The following ROBO1 variants were observed in gnomAD, a reference collection of about 807,000 sequenced individuals.
The protein encoded by ROBO1 is roundabout guidance receptor 1.
ROBO1 carries 149 observed loss-of-function variants against 195.9 expected under a neutral mutation model. The ratio of observed to expected loss-of-function variants is 0.76; its 90% CI spans 0.67 to 0.87. ROBO1 has a LOEUF of 0.87. ROBO1 is among the 40% of genes least tolerant of loss of function. The pLI is 0.00. For synonymous variants in ROBO1, 816 were observed against 733.2 expected (o/e 1.11, Z -1.82); for missense variants, 1,933 against 2,068.3 (o/e 0.93, Z 1.27).
chr3:79,301,345 A>G (rs944339159), intron 2 of ROBO1, among the ~76,000 whole-genome samples: 2 of 152,220 alleles, frequency 1.3e-5, no homozygotes, highest in Non-Finnish European at 2.9e-5. Context: ...AATTCCGCAC[A>G]CAGTACTGTG....
intron 2 of ROBO1, among the ~76,000 whole-genome samples, chr3:79,491,416 C>T (rs2107450034): frequency 6.6e-6 from 1 of 152,174 alleles, no homozygotes; most frequent in South Asian, 2.1e-4. Context: ...AGGGAGCTTC[C>T]CTACAACTTG....
intron 4 of ROBO1, among the ~76,000 whole-genome samples, chr3:78,867,409 T>C (rs1191106730): frequency 6.6e-6 from 1 of 152,026 alleles, no homozygotes; most frequent in Non-Finnish European, 1.5e-5. Context: ...AAGTGTTTGA[T>C]TTTTTTTCCC....
chr3:79,254,248 G>A (rs926105088), intron 2 of ROBO1, among the ~76,000 whole-genome samples: 7 of 151,930 alleles, frequency 4.6e-5, no homozygotes, highest in African/African-American at 1.7e-4. Flanking sequence ...AATTTTTATC[G>A]ATATATATGC....
At chr3:79,028,166 A>G (rs553212464) in intron 3 of ROBO1, among the ~76,000 whole-genome samples, 86 of 152,180 alleles carry the variant, frequency 5.7e-4, no homozygotes, top group Admixed American at 1.1e-3. Context: ...TAGAAGTAAC[A>G]TATTTCTAGA....
chr3:79,687,595 T>C (rs899143816), intron 1 of ROBO1, among the ~76,000 whole-genome samples: 2 of 152,164 alleles, frequency 1.3e-5, no homozygotes, highest in Non-Finnish European at 2.9e-5. Context: ...AAGACATTTA[T>C]GCATCCAACA....
intron 2 of ROBO1, among the ~76,000 whole-genome samples, chr3:79,234,814 T>C (rs1038673713): frequency 6.6e-6 from 1 of 152,030 alleles, no homozygotes; most frequent in African/African-American, 2.4e-5. Flanking sequence ...ACACTGATGA[T>C]TCCTAGATTG....
chr3:79,548,430 AC>A (rs1286138138), intron 2 of ROBO1, among the ~76,000 whole-genome samples: 3 of 152,192 alleles, frequency 2.0e-5, no homozygotes, highest in African/African-American at 7.2e-5. Flanking sequence ...AAATCTACCA[AC>A]ATGGGTTACA....
At chr3:79,324,236 G>A (rs2034111095) in intron 2 of ROBO1, among the ~76,000 whole-genome samples, 1 of 152,050 alleles carries the variant, frequency 6.6e-6, no homozygotes, top group South Asian at 2.1e-4. Flanking sequence ...TTAATGTGGA[G>A]AGTTTGGTAA....
chr3:79,138,294 T>A (rs2080455834), intron 2 of ROBO1, among the ~76,000 whole-genome samples: 1 of 152,020 alleles, frequency 6.6e-6, no homozygotes, highest in Non-Finnish European at 1.5e-5. Context: ...CAATCAATAC[T>A]TTTTTTGTTG....
chr3:79,410,966 C>T (rs1234575443), intron 2 of ROBO1, among the ~76,000 whole-genome samples: 4 of 152,140 alleles, frequency 2.6e-5, no homozygotes, highest in Admixed American at 6.6e-5. Context: ...TCTTCTTTTA[C>T]TGGAGGAATT....
At position 79,011,066 on chromosome 3, in the gene ROBO1, A is replaced by C. The variant is rs375656192; in HGVS notation, c.173-72139T>G. The stretch of plus-strand genomic sequence containing the variant: ...CTTTACTCAGACAACTTGCTAATGG[A>C]ACGGTCTGGATATACTGAAATTACT... On this transcript the variant is annotated intron_variant, in intron 3 of 30. Transcript: ENST00000464233. Among the ~76,000 whole-genome samples the C allele has an allele frequency of 3.5e-4, 53 of 152,250 alleles. No homozygotes were observed. The East Asian group carries it at 9.5e-3, about 27-fold the overall frequency.
chr3:79,241,643 A>G (rs944475176), intron 2 of ROBO1, among the ~76,000 whole-genome samples: 1 of 151,320 alleles, frequency 6.6e-6, no homozygotes, highest in Admixed American at 6.6e-5. Context: ...TACATAATAG[A>G]TAGTAATAAC....
chr3:79,564,542 A>G (rs1943030212), intron 2 of ROBO1, among the ~76,000 whole-genome samples: 1 of 152,130 alleles, frequency 6.6e-6, no homozygotes, highest in Non-Finnish European at 1.5e-5. Context: ...TTTATCAACA[A>G]GGAGATATTT....
At chr3:78,799,573 C>G (rs1362181830) in intron 4 of ROBO1, among the ~76,000 whole-genome samples, 1 of 151,662 alleles carries the variant, frequency 6.6e-6, no homozygotes, top group African/African-American at 2.4e-5. Context: ...GATCTCCTGA[C>G]CTCGTGATCC....
intron 2 of ROBO1, among the ~76,000 whole-genome samples, chr3:79,358,172 G>C (rs536464081): frequency 3.8e-4 from 58 of 152,168 alleles, no homozygotes; most frequent in African/African-American, 1.4e-3. Flanking sequence ...AAATGAAATT[G>C]TGAAAAAATA....
intron 5 of ROBO1, among the ~76,000 whole-genome samples, chr3:78,718,923 A>G (rs1205953239): frequency 6.8e-6 from 1 of 146,114 alleles, no homozygotes; most frequent in African/African-American, 2.6e-5. Context: ...ATTCTAGCAC[A>G]TTTTTTTCAT....
intron 3 of ROBO1, among the ~76,000 whole-genome samples, chr3:79,061,106 C>T (rs561294064): frequency 6.1e-4 from 93 of 152,142 alleles, no homozygotes; most frequent in African/African-American, 2.0e-3. Context: ...AAAACCCCAT[C>T]GTCTTGGCCC....
intron 1 of ROBO1, among the ~76,000 whole-genome samples, chr3:79,612,275 C>A (rs1467760205): frequency 6.8e-6 from 1 of 148,026 alleles, no homozygotes; most frequent in African/African-American, 2.5e-5. Flanking sequence ...TGAGAATATG[C>A]GGTGTTTGGT....
At chr3:78,941,490 T>C (rs926445085) in intron 3 of ROBO1, among the ~76,000 whole-genome samples, 5 of 152,196 alleles carry the variant, frequency 3.3e-5, no homozygotes, top group African/African-American at 1.2e-4. Flanking sequence ...GAGATATTTA[T>C]TTAATTAAAG....
Sources: allele counts gnomAD v4.1 joint callset (sites outside exome capture counted in the v4.1 genomes callset), GRCh38; gene constraint gnomAD v4.1.1; transcripts MANE v1.5; gene names NCBI Gene and HGNC (gene_info 2026-07-23, HGNC 2026-07-21).